Variants in UPF2 observed in about 807,000 individuals in gnomAD.
The protein encoded by UPF2 is regulator of nonsense transcripts 2.
In UPF2, 17 loss-of-function variants were observed where a neutral mutation model predicts 141.4. That is an observed-to-expected ratio of 0.12 (90% CI 0.08 to 0.18). The LOEUF is 0.18. Among genes scored for constraint, UPF2 ranks in the 10% least tolerant of loss-of-function variants. UPF2 has a pLI of 1.00. For synonymous variants in UPF2, 540 were observed against 498.0 expected (o/e 1.08, Z -1.12); for missense variants, 1,152 against 1,515.9 (o/e 0.76, Z 3.99).
chr10:11,925,223 T>C (rs954688924), intron 21 of UPF2, among the ~76,000 whole-genome samples: 10 of 152,238 alleles, frequency 6.6e-5, no homozygotes, highest in African/African-American at 2.2e-4. Context: ...ACCTATACTT[T>C]AGGAGCATTG....
At chr10:11,952,796 T>C (rs2131185065) in intron 14 of UPF2, among the ~76,000 whole-genome samples, 1 of 152,134 alleles carries the variant, frequency 6.6e-6, no homozygotes, top group Non-Finnish European at 1.5e-5. Context: ...TTATTATAAC[T>C]GTCACAGTTT....
rs1832896411 is a variant in UPF2, at chr10:11,938,868, T to TTGTTTTTTTTTTTG, written c.3379-2157_3379-2156insCAAAAAAAAAAACA. Among the ~76,000 whole-genome samples the TTGTTTTTTTTTTTG allele has an allele frequency of 6.4e-3, 580 of 90,768 alleles. 4 individuals carry two copies. Among genetic ancestry groups the TTGTTTTTTTTTTTG allele is most frequent in the South Asian group, 0.012 (24 of 2,040 alleles). 59.5% of individuals were successfully genotyped at this position (90,768 alleles called of 152,430 possible). A position where few individuals can be genotyped will look rare whatever the true frequency, so the allele number is the denominator to read the frequency against. Reference sequence around the variant, plus strand: ...TTTTTTTTTTGTTTTTTTTTTTTTTTTTTTTTTTTTTTTTGGAGACGGAGT... The same window carrying TTGTTTTTTTTTTTG: ...TTTTTTTTTTGTTTTTTTTTTTTTTTTGTTTTTTTTTTTGTTTTTTTTTTTTTTGGAGACGGAGT... On this transcript the variant is annotated intron_variant, in intron 18 of 21. Transcript: ENST00000357604.
rs1204744093 is a variant in UPF2, at chr10:11,938,842, G to GTTTTTTTTTTTT, written c.3379-2131_3379-2130insAAAAAAAAAAAA. Reference sequence around the variant, plus strand: ...GTCCTAGCCATGTGGTCTTAAGCAAGTTTTTTTTTTGTTTTTTTTTTTTTT... The same window carrying GTTTTTTTTTTTT: ...GTCCTAGCCATGTGGTCTTAAGCAAGTTTTTTTTTTTTTTTTTTTTTTGTTTTTTTTTTTTTT... On this transcript the variant is annotated intron_variant, in intron 18 of 21. Coordinates refer to ENST00000357604, the MANE Select transcript of UPF2 (RefSeq NM_015542.4). Among the ~76,000 whole-genome samples, 18 of 45,866 alleles carry GTTTTTTTTTTTT rather than the reference G, an allele frequency of 3.9e-4. 1 individual carries two copies. The highest frequency in any genetic ancestry group is 8.4e-4 in the African/African-American group (12 of 14,236). The allele number at this position is 45,866 out of a possible 152,430, so 30.1% of individuals were successfully genotyped here.
chr10:12,005,395 T>C (rs1304613593), intron 4 of UPF2, among the ~76,000 whole-genome samples: 1 of 152,180 alleles, frequency 6.6e-6, no homozygotes, highest in African/African-American at 2.4e-5. Flanking sequence ...AAGTTTGAGA[T>C]TGTTTATACA....
intron 3 of UPF2, among the ~76,000 whole-genome samples, chr10:12,023,193 A>G (rs1834348090): frequency 6.6e-6 from 1 of 152,160 alleles, no homozygotes; most frequent in African/African-American, 2.4e-5. Flanking sequence ...TACTAATAGG[A>G]CCTCTATAAT....
intron 9 of UPF2, among the ~76,000 whole-genome samples, chr10:11,974,259 A>C (rs1201341430): frequency 1.3e-5 from 2 of 152,188 alleles, no homozygotes; most frequent in Non-Finnish European, 1.5e-5. Flanking sequence ...GTTGCTTATC[A>C]GCTTAAGGAG....
chr10:11,963,045 C>T (rs922845890), intron 11 of UPF2, among the ~76,000 whole-genome samples: 3 of 151,962 alleles, frequency 2.0e-5, no homozygotes, highest in African/African-American at 7.3e-5. Context: ...CTATAAACTA[C>T]GTAAGGGCAG....
At chr10:11,948,280 G>A (rs1229012868) in intron 16 of UPF2, 89 bp downstream of exon 16, 2 of 1,210,500 alleles carry the variant, frequency 1.7e-6, no homozygotes, top group Admixed American at 2.9e-5. Flanking sequence ...ACCAGGAGGA[G>A]GTCTTATGTA....
At chr10:12,013,402 A>G (rs1215173100) in intron 4 of UPF2, among the ~76,000 whole-genome samples, 1 of 150,706 alleles carries the variant, frequency 6.6e-6, no homozygotes, top group Non-Finnish European at 1.5e-5. Context: ...TCAGCCTCCC[A>G]AGTAGCTGGG....
intron 16 of UPF2, among the ~76,000 whole-genome samples, chr10:11,947,413 A>G (rs1833014353): frequency 6.6e-6 from 1 of 152,204 alleles, no homozygotes; most frequent in Admixed American, 6.5e-5. Flanking sequence ...AAGCTCATTA[A>G]TATCTAGCCA....
chr10:12,026,516 T>C, intron 3 of UPF2: 1 of 378,264 alleles, frequency 2.6e-6, no homozygotes, highest in Admixed American at 3.4e-5. Flanking sequence ...GGAATAAAAG[T>C]GGACACATAT....
intron 1 of UPF2, among the ~76,000 whole-genome samples, chr10:12,038,202 G>C (rs890216975): frequency 4.7e-5 from 7 of 149,820 alleles, no homozygotes; most frequent in African/African-American, 1.5e-4. Context: ...GGCCAACATG[G>C]TGAAACCCCA....
At chr10:11,941,416 AAAG>A (rs1832934421) in intron 18 of UPF2, among the ~76,000 whole-genome samples, 1 of 152,222 alleles carries the variant, frequency 6.6e-6, no homozygotes, top group Admixed American at 6.5e-5. Flanking sequence ...ATATATAAAG[AAAG>A]AAGATCACCT....
intron 5 of UPF2, 117 bp from the exon 6 acceptor site, chr10:12,001,942 G>A: frequency 1.1e-6 from 1 of 881,590 alleles, no homozygotes; most frequent in Non-Finnish European, 1.6e-6. Context: ...ATGTATACCT[G>A]GCAACTGAAG....
At chr10:11,974,773 A>G (rs1833478848) in intron 9 of UPF2, among the ~76,000 whole-genome samples, 2 of 150,322 alleles carry the variant, frequency 1.3e-5, no homozygotes, top group Non-Finnish European at 3.0e-5. Context: ...TGCTGGAATT[A>G]AAGAGTTTTG....
chr10:11,943,212 G>T, intron 16 of UPF2, 44 bp from the exon 17 acceptor site: 3 of 1,454,658 alleles, frequency 2.1e-6, no homozygotes, highest in Non-Finnish European at 2.8e-6. Context: ...TTTTCGAAGT[G>T]TAACCATATT....
At chr10:11,988,032 G>C (rs1203144367) in intron 8 of UPF2, among the ~76,000 whole-genome samples, 1 of 152,068 alleles carries the variant, frequency 6.6e-6, no homozygotes, top group Non-Finnish European at 1.5e-5. Context: ...TGTGTGCCTA[G>C]AATATATAAA....
chr10:12,010,557 G>A (rs1036943668), intron 4 of UPF2, among the ~76,000 whole-genome samples: 5 of 152,150 alleles, frequency 3.3e-5, no homozygotes, highest in African/African-American at 4.8e-5. Context: ...AAAAAATAAC[G>A]AAGAACAAAA....
intron 9 of UPF2, 95 bp from the exon 10 acceptor site, chr10:11,967,549 T>TTG: frequency 3.7e-6 from 2 of 538,728 alleles, no homozygotes; most frequent in African/African-American, 2.1e-5. Context: ...CACTCCAGTT[T>TTG]TTTTTTTTTT....
Sources: allele counts gnomAD v4.1 joint callset (sites outside exome capture counted in the v4.1 genomes callset), GRCh38; gene constraint gnomAD v4.1.1; transcripts MANE v1.5; gene names NCBI Gene and HGNC (gene_info 2026-07-23, HGNC 2026-07-21).